LYN: variants seen among roughly 807,000 people sequenced by gnomAD.
The protein encoded by LYN is tyrosine-protein kinase Lyn.
A neutral mutation model predicts 65.0 loss-of-function variants in LYN; 12 were observed. That is an observed-to-expected ratio of 0.18 (90% CI 0.12 to 0.30). The LOEUF (loss-of-function observed/expected upper bound fraction) is 0.30. Among genes scored for constraint, LYN ranks in the 10% least tolerant of loss-of-function variants. LYN has a pLI of 1.00. For synonymous variants in LYN, 222 were observed against 221.2 expected (o/e 1.00, Z -0.03); for missense variants, 380 against 623.2 (o/e 0.61, Z 4.16).
In LYN at chr8:56,010,757, ATC is replaced by A; in HGVS notation, c.*657_*658del. ...GACATGCCATAGGAGTGGCGTGCAC[ATC>A]TCTCTCTCTTCCAGCAGGAGGAGCC... On this transcript the variant is annotated 3_prime_UTR_variant, in exon 13 of 13. Transcript: ENST00000519728. 2.6e-5 allele frequency: 6 copies of A among 229,880 alleles called. No homozygotes were observed. Among genetic ancestry groups the A allele is most frequent in the Non-Finnish European group, 3.4e-5 (4 of 116,032 alleles). 14.2% of individuals were successfully genotyped at this position (229,880 alleles called of 1,614,324 possible).
intron 1 of LYN, among the ~76,000 whole-genome samples, chr8:55,918,424 G>T (rs1044933110): frequency 6.6e-6 from 1 of 152,204 alleles, no homozygotes; most frequent in Non-Finnish European, 1.5e-5. Flanking sequence ...ATGGAGCCGG[G>T]ACATTTGCAT....
intron 1 of LYN, among the ~76,000 whole-genome samples, chr8:55,923,869 T>C (rs142141277): frequency 1.9e-3 from 284 of 151,376 alleles, no homozygotes; most frequent in Middle Eastern, 3.4e-3. Context: ...ATGTTTGTTA[T>C]AATGACTTAG....
chr8:55,998,487 A>G lies in LYN; in HGVS notation c.1192A>G (p.Thr398Ala). ...TAGAGTAATTGAAGATAATGAGTAC[A>G]CAGCAAGGGAAGGTATGTTGCACTA... ...LARVIEDNEY[T>A]AREGAKFPIK... Residue 398 changes from threonine to alanine, a missense_variant, in exon 11 of 13, where the codon ACA (threonine) becomes GCA (alanine). Thr to Ala is a moderately conservative substitution (Grantham distance 58). This residue lies in a region of LYN where 223 missense variants were observed against 430.0 expected (regional missense o/e 0.52). Coordinates refer to ENST00000519728, the MANE Select transcript of LYN (RefSeq NM_002350.4). 6.2e-7 allele frequency: 1 copy of G among 1,611,430 alleles called. No homozygotes were observed. The highest frequency in any genetic ancestry group is 8.5e-7 in the Non-Finnish European group (1 of 1,177,620).
At chr8:55,946,640 A>C (rs1806786811) in intron 3 of LYN, 147 bp downstream of exon 3, 2 of 624,662 alleles carry the variant, frequency 3.2e-6, no homozygotes, top group East Asian at 2.8e-5. Context: ...TTAAGTATAC[A>C]TTTCAGCAGC....
At position 55,993,049 on chromosome 8, in the gene LYN, T is replaced by C. The variant is rs144007179; in HGVS notation, c.1051-5297T>C. Among the ~76,000 whole-genome samples, 396 of 152,226 alleles carry C rather than the reference T, an allele frequency of 2.6e-3. 2 individuals carry two copies. Among genetic ancestry groups the C allele is most frequent in the African/African-American group, 9.3e-3 (386 of 41,550 alleles). The stretch of plus-strand genomic sequence containing the variant: ...GGAGCAAAAATTGATCCCTTAGGGG[T>C]GATAAAAATCTTAGATATTACAATA... On this transcript the variant is annotated intron_variant, in intron 10 of 12. Coordinates refer to ENST00000519728, the MANE Select transcript of LYN (RefSeq NM_002350.4).
intron 1 of LYN, among the ~76,000 whole-genome samples, chr8:55,920,850 C>A (rs1332098422): frequency 6.7e-6 from 1 of 148,368 alleles, no homozygotes; most frequent in Non-Finnish European, 1.5e-5. Flanking sequence ...GCATGTGCTA[C>A]CACGCCTGGC....
At chr8:55,894,404 C>T (rs12679916) in intron 1 of LYN, among the ~76,000 whole-genome samples, 57,894 of 150,272 alleles carry the variant, frequency 0.39, 11,880 homozygotes, top group East Asian at 0.68. Flanking sequence ...AGTGGTCACT[C>T]TGTCACCCAA....
intron 12 of LYN, among the ~76,000 whole-genome samples, chr8:56,005,063 T>G (rs1478509665): frequency 6.6e-6 from 1 of 152,074 alleles, no homozygotes; most frequent in Non-Finnish European, 1.5e-5. Context: ...GAATTATAGG[T>G]GTGAGCCACC....
chr8:55,914,633 C>T (rs1401014873), intron 1 of LYN, among the ~76,000 whole-genome samples: 1 of 152,128 alleles, frequency 6.6e-6, no homozygotes, highest in Non-Finnish European at 1.5e-5. Context: ...TGTTAGGAAT[C>T]CAGATAACAG....
At chr8:56,008,410 C>T (rs535408805) in intron 12 of LYN, among the ~76,000 whole-genome samples, 2 of 152,146 alleles carry the variant, frequency 1.3e-5, no homozygotes, top group Non-Finnish European at 2.9e-5. Flanking sequence ...AATGGAGCCC[C>T]TCTCATATGC....
chr8:55,912,581 A>C (rs999507609), intron 1 of LYN, among the ~76,000 whole-genome samples: 1 of 151,878 alleles, frequency 6.6e-6, no homozygotes, highest in African/African-American at 2.4e-5. Flanking sequence ...CAAAAAATTA[A>C]CTGGGCATCG....
chr8:55,972,537 C>A (rs1807638073), intron 10 of LYN, among the ~76,000 whole-genome samples: 1 of 152,204 alleles, frequency 6.6e-6, no homozygotes, highest in Admixed American at 6.5e-5. Flanking sequence ...GCTCCCTCGT[C>A]CGCCTGGGAT....
At chr8:55,947,264 A>G (rs540663415) in intron 3 of LYN, among the ~76,000 whole-genome samples, 1 of 152,382 alleles carries the variant, frequency 6.6e-6, no homozygotes, top group Non-Finnish European at 1.5e-5. Context: ...GAGAAAAACC[A>G]AAATGCTACA....
At chr8:55,989,216 G>A (rs1808172242) in intron 10 of LYN, among the ~76,000 whole-genome samples, 1 of 152,212 alleles carries the variant, frequency 6.6e-6, no homozygotes, top group African/African-American at 2.4e-5. Flanking sequence ...ACTTCTCACT[G>A]GGCCTTTGAG....
rs914869233 is a variant in LYN at position 56,007,919 on chromosome 8, G to A, written c.1337-1989G>A. Among the ~76,000 whole-genome samples, 3 of 152,158 alleles carry A rather than the reference G, an allele frequency of 2.0e-5. No individual in the cohort carries two copies. The South Asian group carries it at 6.2e-4, about 32-fold the overall frequency. On this transcript the variant is annotated intron_variant, in intron 12 of 12. Coordinates refer to ENST00000519728, the MANE Select transcript of LYN (RefSeq NM_002350.4). ...AGACGACTTCAGGTCAGGAGTTTGA[G>A]ACCAGCCTGGCCAACATGGTGAAAC...
At chr8:55,936,888 C>G (rs950243683) in intron 1 of LYN, among the ~76,000 whole-genome samples, 3 of 152,158 alleles carry the variant, frequency 2.0e-5, no homozygotes, top group African/African-American at 7.2e-5. Context: ...CTTTGATTAC[C>G]TAGCACAGGT....
chr8:55,984,380 A>G (rs1307278745), intron 10 of LYN, among the ~76,000 whole-genome samples: 4 of 152,074 alleles, frequency 2.6e-5, no homozygotes, highest in African/African-American at 9.7e-5. Flanking sequence ...GTCAAACTCA[A>G]TGCACCCCAA....
chr8:56,009,852 C>A, intron 12 of LYN, 56 bp from the exon 13 acceptor site: 1 of 1,448,904 alleles, frequency 6.9e-7, no homozygotes. Flanking sequence ...GCTTGACCCT[C>A]TGCCAGGTTT....
intron 10 of LYN, among the ~76,000 whole-genome samples, chr8:55,974,787 C>G (rs922397855): frequency 2.0e-5 from 3 of 152,162 alleles, no homozygotes; most frequent in Non-Finnish European, 4.4e-5. Flanking sequence ...ATCTTCAAAG[C>G]CTTGATTAGT....
Sources: allele counts gnomAD v4.1 joint callset (sites outside exome capture counted in the v4.1 genomes callset), GRCh38; gene constraint gnomAD v4.1.1; regional missense constraint gnomAD v4.1.1; transcripts MANE v1.5; gene names NCBI Gene and HGNC (gene_info 2026-07-23, HGNC 2026-07-21).